Variants in S100A10 observed in about 807,000 individuals in gnomAD.
S100A10 encodes the protein protein S100-A10.
A neutral mutation model predicts 7.1 loss-of-function variants in S100A10; 3 were observed. The observed-to-expected ratio is 0.42, with a 90% CI of 0.19 to 1.10. The LOEUF is 1.10. Among genes scored for constraint, S100A10 ranks in the 50% least tolerant of loss-of-function variants. The pLI, the probability that S100A10 is intolerant of heterozygous loss-of-function variation, is 0.29. For missense variants in S100A10, 101 were observed against 118.1 expected, an observed-to-expected ratio of 0.86 and a Z score of 0.67; for synonymous variants, 41 against 39.3, an observed-to-expected ratio of 1.04 and a Z score of -0.16.
rs557824954 is a variant in S100A10 at position 151,993,826 on chromosome 1, T to C, written c.-96A>G. 11 of 154,730 alleles carry C rather than the reference T, an allele frequency of 7.1e-5. No homozygotes were observed. The highest frequency in any genetic ancestry group is 1.3e-4 in the Non-Finnish European group (9 of 69,638). 9.6% of individuals were successfully genotyped at this position (154,730 alleles called of 1,614,324 possible). On this transcript the variant is annotated 5_prime_UTR_variant, in exon 1 of 3. Coordinates refer to ENST00000368811, the MANE Select transcript of S100A10 (RefSeq NM_002966.3). This position sits in a 1 kb window ranked among gnomAD's most constrained non-coding sequence, Gnocchi z 5.1. ...GGGCGGAGAGGCGAGCGCGGCGGGC[T>C]GTGCGCCTTCCTTAGTACGTGCGGC...
intron 1 of S100A10, among the ~76,000 whole-genome samples, chr1:151,991,996 G>GT (rs1170629731): frequency 1.3e-5 from 2 of 152,278 alleles, no homozygotes; most frequent in Non-Finnish European, 2.9e-5. Context: ...CAAAAAAATT[G>GT]TAAGAACCTA....
Position 151,986,128 on chromosome 1 carries a change from T to G in S100A10, c.103A>C (p.Met35Leu). The G allele has an allele frequency of 1.9e-6, 3 of 1,603,100 alleles. No homozygotes were observed. Among genetic ancestry groups the G allele is most frequent in the South Asian group, 2.3e-5 (2 of 88,310 alleles). Residue 35 changes from methionine (M) to leucine (L), a missense_variant, in exon 2 of 3, where the codon ATG becomes CTG. By Grantham distance (15) the Met-to-Leu change is conservative (BLOSUM62 2). Coordinates refer to ENST00000368811, the MANE Select transcript of S100A10 (RefSeq NM_002966.3). ...YLTKEDLRVL[M>L]EKEFPGFLEN... ...AAAAATCCAGGGAACTCCTTTTCCA[T>G]GAGTACTCTCAGGTCCTCCTTTGTT...
rs1283980559 is a variant in S100A10, at chr1:151,993,619, C to T, written c.-22+133G>A. On this transcript the variant is annotated intron_variant, in intron 1 of 2. Transcript: ENST00000368811. This position sits in a 1 kb window ranked among gnomAD's most constrained non-coding sequence, Gnocchi z 5.1. ...GCCCGGAGCACTGAGCAGCGGATTC[C>T]CCACCAGCCGCTCCCCGCCCAGCCC... 1 of 152,310 alleles carries T rather than the reference C, an allele frequency of 6.6e-6. No homozygotes were observed. Among genetic ancestry groups the T allele is most frequent in the Non-Finnish European group, 1.5e-5 (1 of 68,174 alleles). The allele number at this position is 152,310 out of a possible 1,614,324, so 9.4% of individuals were successfully genotyped here.
At chr1:151,987,538 C>CT (rs11383937) in intron 1 of S100A10, among the ~76,000 whole-genome samples, 62,050 of 116,322 alleles carry the variant, frequency 0.53, 17,718 homozygotes, top group East Asian at 0.61. Context: ...TATATGTATT[C>CT]TTTTTTTTTT....
Position 151,986,187 on chromosome 1 carries a change from G to T in S100A10, c.44C>A (p.Thr15Lys). Residue 15 changes from threonine (T) to lysine (K), a missense_variant, in exon 2 of 3, where the codon ACA (threonine) becomes AAA (lysine). Transcript: ENST00000368811. ...TTTATCCCCAGCGAATTTGTGAAATGTAAACATCATGGTTTCCATGGCGTG... is the reference window on the plus strand; with the variant it reads ...TTTATCCCCAGCGAATTTGTGAAATTTAAACATCATGGTTTCCATGGCGTG... ...MEHAMETMMF[T>K]FHKFAGDKGY... The T allele has an allele frequency of 6.2e-7, 1 of 1,608,588 alleles. No homozygotes were observed. The highest frequency in any genetic ancestry group is 8.5e-7 in the Non-Finnish European group (1 of 1,178,290).
chr1:151,986,421 A>G (rs901226183), intron 1 of S100A10, among the ~76,000 whole-genome samples, 170 bp from the exon 2 acceptor site: 3 of 152,236 alleles, frequency 2.0e-5, no homozygotes, highest in African/African-American at 4.8e-5. Context: ...GCTAATTAAC[A>G]TATGCATTAC....
rs1655961697 is a variant in S100A10, at chr1:151,993,724, A to T, written c.-22+28T>A. On this transcript the variant is annotated intron_variant, in intron 1 of 2. Coordinates refer to ENST00000368811, the MANE Select transcript of S100A10 (RefSeq NM_002966.3). The surrounding 1 kb of genome is among the most constrained non-coding windows in gnomAD (Gnocchi z 5.1). Reference sequence around the variant, plus strand: ...GGTCCGGGCCTGGGGACTACCCAGGAGGGGCGCGTGGGCCGGGCGGAGCTC... The same window carrying T: ...GGTCCGGGCCTGGGGACTACCCAGGTGGGGCGCGTGGGCCGGGCGGAGCTC... 1 of 152,990 alleles carries T rather than the reference A, an allele frequency of 6.5e-6. No individual in the cohort carries two copies. The highest frequency in any genetic ancestry group is 1.5e-5 in the Non-Finnish European group (1 of 68,616). The allele number at this position is 152,990 out of a possible 1,614,324, so 9.5% of individuals were successfully genotyped here. A position where few individuals can be genotyped will look rare whatever the true frequency, so the allele number is the denominator to read the frequency against.
At position 151,983,303 on chromosome 1, in the gene S100A10, C is replaced by A; in HGVS notation, c.154G>T (p.Val52Leu). ...TCCAGGTCCTTCATTATTTTGTCCA[C>A]AGCCAGAGGGTCTTTTTGATTCTGA... Reference protein sequence around the residue: ...FLENQKDPLAVDKIMKDLDQC... With the variant: ...FLENQKDPLALDKIMKDLDQC... Residue 52 changes from valine to leucine, a missense_variant, in exon 3 of 3, where the codon GTG becomes TTG. By Grantham distance (32) the Val-to-Leu change is conservative. Coordinates refer to ENST00000368811, the MANE Select transcript of S100A10 (RefSeq NM_002966.3). 1.3e-6 allele frequency: 2 copies of A among 1,555,716 alleles called. No individual in the cohort carries two copies. The highest frequency in any genetic ancestry group is 2.2e-5 in the Admixed American group (1 of 44,936).
intron 2 of S100A10, chr1:151,985,388 A>G (rs1298422808): frequency 6.6e-6 from 1 of 152,234 alleles, no homozygotes; most frequent in East Asian, 1.9e-4. Flanking sequence ...TGAGTGATGT[A>G]TCTGAGCTGA....
chr1:151,991,915 G>A (rs573256365), intron 1 of S100A10, among the ~76,000 whole-genome samples: 9 of 152,210 alleles, frequency 5.9e-5, no homozygotes, highest in South Asian at 2.1e-4. Flanking sequence ...ATGATGTGTC[G>A]GAGAAAAGCT....
Position 151,993,793 on chromosome 1 carries a change from T to TGGACGCGGGGCGGAGAGGC in S100A10, c.-82_-64dup, listed in dbSNP as rs1655965764. ...CGGACGCTGGGCGAGCTGGGCGAGC[T>TGGACGCGGGGCGGAGAGGC]GGACGCGGGGCGGAGAGGCGAGCGC... On this transcript the variant is annotated 5_prime_UTR_variant, in exon 1 of 3. Transcript: ENST00000368811. This position sits in a 1 kb window ranked among gnomAD's most constrained non-coding sequence, Gnocchi z 5.1. The TGGACGCGGGGCGGAGAGGC allele has an allele frequency of 6.4e-6, 1 of 156,918 alleles. No individual in the cohort carries two copies. The highest frequency in any genetic ancestry group is 1.4e-5 in the Non-Finnish European group (1 of 71,548). The allele number at this position is 156,918 out of a possible 1,614,324, so 9.7% of individuals were successfully genotyped here.
At chr1:151,986,072 G>A (rs1557772658) in intron 2 of S100A10, 27 bp downstream of exon 2, 1 of 1,565,104 alleles carries the variant, frequency 6.4e-7, no homozygotes, top group Middle Eastern at 1.7e-4. Context: ...TTTATGTCTG[G>A]TTCTTTGTAA....
intron 1 of S100A10, among the ~76,000 whole-genome samples, chr1:151,987,413 C>T (rs1655815419): frequency 6.6e-6 from 1 of 152,066 alleles, no homozygotes; most frequent in Non-Finnish European, 1.5e-5. Flanking sequence ...ACAATCCACA[C>T]AGTCAAGTCT....
At chr1:151,984,357 T>C (rs144004921) in intron 2 of S100A10, among the ~76,000 whole-genome samples, 2 of 152,288 alleles carry the variant, frequency 1.3e-5, no homozygotes, top group East Asian at 3.9e-4. Context: ...TGCAAACTCC[T>C]ACTCTAGCTA....
chr1:151,991,161 T>C (rs566517030), intron 1 of S100A10, among the ~76,000 whole-genome samples: 1 of 152,286 alleles, frequency 6.6e-6, no homozygotes, highest in African/African-American at 2.4e-5. Context: ...TTAAAATATG[T>C]TTGAGGTTTC....
At chr1:151,987,292 GC>G (rs1655813384) in intron 1 of S100A10, among the ~76,000 whole-genome samples, 1 of 150,200 alleles carries the variant, frequency 6.7e-6, no homozygotes, top group Non-Finnish European at 1.5e-5. Flanking sequence ...AGGCCACTGC[GC>G]CCGGCCCAGT....
chr1:151,985,754 G>A (rs886178561), intron 2 of S100A10, among the ~76,000 whole-genome samples: 2 of 151,998 alleles, frequency 1.3e-5, no homozygotes, highest in African/African-American at 4.8e-5. Flanking sequence ...CCCCAACATC[G>A]TCACAACAGA....
At chr1:151,987,449 T>TA (rs1287248600) in intron 1 of S100A10, among the ~76,000 whole-genome samples, 1 of 152,098 alleles carries the variant, frequency 6.6e-6, no homozygotes, top group Non-Finnish European at 1.5e-5. Context: ...TTCACCCTTC[T>TA]AAGCTTAAAG....
chr1:151,989,171 G>A (rs1655855458), intron 1 of S100A10, among the ~76,000 whole-genome samples: 1 of 152,192 alleles, frequency 6.6e-6, no homozygotes, highest in Non-Finnish European at 1.5e-5. Context: ...CCACCCTTGA[G>A]TATCTTCTTC....
Sources: allele counts gnomAD v4.1 joint callset (sites outside exome capture counted in the v4.1 genomes callset), GRCh38; gene constraint gnomAD v4.1.1; non-coding constraint Gnocchi (gnomAD v3.1); transcripts MANE v1.5; gene names NCBI Gene and HGNC (gene_info 2026-07-23, HGNC 2026-07-21).